PDLIM5: variants seen among roughly 807,000 people sequenced by gnomAD.
PDLIM5 encodes PDZ and LIM domain 5, also known as PDZ and LIM domain protein 5.
Under a neutral mutation model 64.2 loss-of-function variants are expected in PDLIM5, and 34 were observed. The observed-to-expected ratio is 0.53, with a 90% confidence interval of 0.40 to 0.71. The LOEUF is 0.71. Ranked by LOEUF, PDLIM5 falls within the 30% of genes least tolerant of loss-of-function variation. PDLIM5 has a pLI of 0.00. For missense variants in PDLIM5, 683 were observed against 733.6 expected, an observed-to-expected ratio of 0.93 and a Z score of 0.80; for synonymous variants, 253 against 269.1, an observed-to-expected ratio of 0.94 and a Z score of 0.59.
rs576258944 is a variant in PDLIM5 at position 94,588,193 on chromosome 4, C to G, written c.920+1749C>G. The G allele has an allele frequency of 3.3e-3, 3,188 of 966,534 alleles. 14 individuals carry two copies. The highest frequency in any genetic ancestry group is 3.8e-3 in the Non-Finnish European group (3,067 of 812,710). The allele number at this position is 966,534 out of a possible 1,614,324, so 59.9% of individuals were successfully genotyped here. A position where few individuals can be genotyped will look rare whatever the true frequency, so the allele number is the denominator to read the frequency against. On this transcript the variant is annotated intron_variant, in intron 7 of 12. Transcript: ENST00000317968. ...CCATCCAGGACTTATTACAGTATAA[C>G]TGGGTAAAATAAACAATTCTCTGAC...
intron 3 of PDLIM5, among the ~76,000 whole-genome samples, chr4:94,557,009 G>A (rs1289045155): frequency 2.6e-5 from 4 of 152,142 alleles, no homozygotes; most frequent in Non-Finnish European, 4.4e-5. Flanking sequence ...GTATTGCCTA[G>A]GGTTTCTTCT....
intron 3 of PDLIM5, among the ~76,000 whole-genome samples, chr4:94,568,122 C>T (rs1171862725): frequency 5.9e-5 from 9 of 152,184 alleles, no homozygotes; most frequent in African/African-American, 2.2e-4. Context: ...GAATTACGTA[C>T]TAGAACGTTT....
At chr4:94,475,123 T>G (rs988422180) in intron 2 of PDLIM5, among the ~76,000 whole-genome samples, 9 of 151,874 alleles carry the variant, frequency 5.9e-5, no homozygotes, top group African/African-American at 1.9e-4. Context: ...TTTGGGTCAA[T>G]GAAACTTCTG....
intron 2 of PDLIM5, among the ~76,000 whole-genome samples, chr4:94,516,102 T>C (rs546174841): frequency 2.0e-5 from 3 of 152,332 alleles, no homozygotes; most frequent in Admixed American, 6.5e-5. Context: ...TAGAGTAAGA[T>C]GCTGTTTTAC....
chr4:94,482,058 T>C (rs1361391802), intron 2 of PDLIM5, among the ~76,000 whole-genome samples: 2 of 152,110 alleles, frequency 1.3e-5, no homozygotes, highest in Non-Finnish European at 2.9e-5. Flanking sequence ...ACTTCCTTAA[T>C]AGGGTACTTC....
intron 8 of PDLIM5, among the ~76,000 whole-genome samples, chr4:94,625,516 T>C (rs542605078): frequency 1.3e-5 from 2 of 151,670 alleles, no homozygotes; most frequent in African/African-American, 4.8e-5. Flanking sequence ...GCAGTGGCGC[T>C]ATTTAGGCTC....
At chr4:94,603,404 G>A (rs1379568668) in intron 7 of PDLIM5, among the ~76,000 whole-genome samples, 1 of 152,134 alleles carries the variant, frequency 6.6e-6, no homozygotes, top group Non-Finnish European at 1.5e-5. Context: ...ATCATAGTCT[G>A]GATGAGAGAG....
chr4:94,577,821 C>CT (rs986736065), intron 5 of PDLIM5, among the ~76,000 whole-genome samples: 262 of 1,282 alleles, frequency 0.2, 97 homozygotes, highest in African/African-American at 0.48. Context: ...AAAAACTCTT[C>CT]TTTTTTTTTT....
chr4:94,458,215 T>C (rs2126075506), intron 2 of PDLIM5, among the ~76,000 whole-genome samples: 1 of 152,336 alleles, frequency 6.6e-6, no homozygotes, highest in East Asian at 1.9e-4. Flanking sequence ...TTTTCTGCCT[T>C]AATTATGTAA....
chr4:94,623,567 A>G (rs6853490), intron 8 of PDLIM5, among the ~76,000 whole-genome samples: 60,139 of 151,976 alleles, frequency 0.4, 13,107 homozygotes, highest in South Asian at 0.67. Context: ...GGTGTCTTTT[A>G]CGACTGTTTT....
chr4:94,559,618 C>T (rs1394318136), intron 3 of PDLIM5, among the ~76,000 whole-genome samples: 2 of 152,184 alleles, frequency 1.3e-5, no homozygotes, highest in African/African-American at 2.4e-5. Flanking sequence ...GAAAGCCAAA[C>T]TCTTAGATGT....
intron 2 of PDLIM5, among the ~76,000 whole-genome samples, chr4:94,509,097 CTT>C (rs1728644499): frequency 6.6e-6 from 1 of 152,150 alleles, no homozygotes; most frequent in Non-Finnish European, 1.5e-5. Context: ...TTGTTCCAGT[CTT>C]TGTGTTATTG....
intron 5 of PDLIM5, chr4:94,579,450 A>G (rs2110295493): frequency 2.8e-6 from 2 of 710,562 alleles, no homozygotes. Flanking sequence ...GATACTTTGA[A>G]GAACCTGGCC....
At chr4:94,477,826 C>T (rs1725460048) in intron 2 of PDLIM5, among the ~76,000 whole-genome samples, 1 of 152,172 alleles carries the variant, frequency 6.6e-6, no homozygotes, top group Non-Finnish European at 1.5e-5. Flanking sequence ...CCAATCCCTC[C>T]TCTCCTCCTC....
At chr4:94,658,138 T>C (rs1291868835) in intron 11 of PDLIM5, among the ~76,000 whole-genome samples, 1 of 152,254 alleles carries the variant, frequency 6.6e-6, no homozygotes. Context: ...TACTAAATCA[T>C]GTACCTTAAG....
intron 7 of PDLIM5, among the ~76,000 whole-genome samples, chr4:94,606,125 A>G (rs1309009963): frequency 6.6e-6 from 1 of 152,224 alleles, no homozygotes; most frequent in Non-Finnish European, 1.5e-5. Context: ...TTTGGAAAAA[A>G]TAAATTTCAA....
At chr4:94,576,673 C>T (rs534609695) in intron 5 of PDLIM5, among the ~76,000 whole-genome samples, 4 of 152,300 alleles carry the variant, frequency 2.6e-5, no homozygotes, top group Admixed American at 2.0e-4. Flanking sequence ...TCATTGTAAA[C>T]GTTTTCTGAA....
At chr4:94,588,152 G>C in intron 7 of PDLIM5, 1 of 960,030 alleles carries the variant, frequency 1.0e-6, no homozygotes, top group African/African-American at 1.8e-5. Flanking sequence ...CTGTTTCCTT[G>C]AGGCTAGACA....
chr4:94,560,974 G>A (rs562523437), intron 3 of PDLIM5, among the ~76,000 whole-genome samples: 1 of 152,130 alleles, frequency 6.6e-6, no homozygotes, highest in East Asian at 1.9e-4. Context: ...TGATCCGCCC[G>A]CCTCGGCCTC....
Sources: allele counts gnomAD v4.1 joint callset (sites outside exome capture counted in the v4.1 genomes callset), GRCh38; gene constraint gnomAD v4.1.1; transcripts MANE v1.5; gene names NCBI Gene and HGNC (gene_info 2026-07-23, HGNC 2026-07-21).